The following KIF3B variants were observed in gnomAD, a reference collection of about 807,000 sequenced individuals.
The protein encoded by KIF3B is kinesin family member 3B, also known as kinesin-like protein KIF3B.
In KIF3B, 38 loss-of-function variants were observed where a neutral mutation model predicts 74.3. The observed-to-expected ratio is 0.51, with a 90% confidence interval of 0.39 to 0.67. KIF3B has a LOEUF of 0.67. KIF3B is among the 30% of genes least tolerant of loss of function. The pLI is 0.00. For synonymous variants in KIF3B, 326 were observed against 342.5 expected, an observed-to-expected ratio of 0.95 and a Z score of 0.53; for missense variants, 649 against 932.0, an observed-to-expected ratio of 0.70 and a Z score of 3.95.
chr20:32,279,828 G>A (rs1440638485), intron 1 of KIF3B, among the ~76,000 whole-genome samples: 1 of 152,188 alleles, frequency 6.6e-6, no homozygotes, highest in Admixed American at 6.5e-5. Flanking sequence ...AAAATGAGGG[G>A]ACTAGGCTAG....
At chr20:32,318,822 AT>A (rs958457328) in intron 5 of KIF3B, among the ~76,000 whole-genome samples, 14 of 152,092 alleles carry the variant, frequency 9.2e-5, no homozygotes, top group Non-Finnish European at 1.5e-5. Flanking sequence ...GTGTGTTTTC[AT>A]TTCTCTGGGA....
chr20:32,328,970 C>T (rs568975698), intron 7 of KIF3B, among the ~76,000 whole-genome samples: 4 of 152,252 alleles, frequency 2.6e-5, no homozygotes, highest in Admixed American at 1.3e-4. Context: ...TGCAGTGGCG[C>T]GAGCTCTGCT....
chr20:32,320,851 T>C (rs542855391), intron 5 of KIF3B, among the ~76,000 whole-genome samples: 2 of 152,286 alleles, frequency 1.3e-5, no homozygotes, highest in South Asian at 2.1e-4. Context: ...CATTCATTAT[T>C]TGATGGACAT....
intron 1 of KIF3B, among the ~76,000 whole-genome samples, chr20:32,281,977 G>A (rs2047645204): frequency 6.6e-6 from 1 of 152,142 alleles, no homozygotes; most frequent in Admixed American, 6.6e-5. Context: ...GGTAGGGAGC[G>A]CTCAGATCAT....
rs1555896694 is a variant in KIF3B at position 32,322,742 on chromosome 20, T to TTATA, written c.1749-4026_1749-4025insATAT. On this transcript the variant is annotated intron_variant, in intron 5 of 8. Transcript: ENST00000375712. ...TTTATATTTATTTATTTATATATAT[T>TTATA]TATTTATATATATATTTATATATAT... Among the ~76,000 whole-genome samples the TTATA allele has an allele frequency of 6.4e-5, 3 of 46,702 alleles. 1 individual carries two copies. Among genetic ancestry groups the TTATA allele is most frequent in the African/African-American group, 2.4e-4 (2 of 8,284 alleles). 30.6% of individuals were successfully genotyped at this position (46,702 alleles called of 152,430 possible). A position where few individuals can be genotyped will look rare whatever the true frequency, so the allele number is the denominator to read the frequency against.
chr20:32,308,051 A>G (rs1242642178), intron 1 of KIF3B, among the ~76,000 whole-genome samples: 1 of 151,878 alleles, frequency 6.6e-6, no homozygotes, highest in African/African-American at 2.4e-5. Flanking sequence ...CCTGGCCAAC[A>G]TGGCAAAACC....
chr20:32,328,839 T>C (rs928050726), intron 7 of KIF3B, among the ~76,000 whole-genome samples: 1 of 152,126 alleles, frequency 6.6e-6, no homozygotes, highest in Non-Finnish European at 1.5e-5. Flanking sequence ...TGAGGACTAT[T>C]TAATGACCCC....
At chr20:32,328,815 T>TA (rs1224160390) in intron 7 of KIF3B, among the ~76,000 whole-genome samples, 1 of 152,166 alleles carries the variant, frequency 6.6e-6, no homozygotes, top group Non-Finnish European at 1.5e-5. Context: ...TGTAGTCATT[T>TA]AAAGGGACAT....
At chr20:32,295,659 G>A (rs927415706) in intron 1 of KIF3B, among the ~76,000 whole-genome samples, 5 of 151,752 alleles carry the variant, frequency 3.3e-5, no homozygotes, top group African/African-American at 7.3e-5. Flanking sequence ...CTTATTTGAC[G>A]TCTATGCTCT....
At chr20:32,327,490 A>G in intron 6 of KIF3B, 66 bp from the exon 7 acceptor site, 1 of 1,308,374 alleles carries the variant, frequency 7.6e-7, no homozygotes, top group Non-Finnish European at 1.1e-6. Flanking sequence ...AGGTTCTGTC[A>G]GTGTCTTCCG....
chr20:32,314,023 G>T (rs1356547797), intron 2 of KIF3B, among the ~76,000 whole-genome samples: 1 of 152,066 alleles, frequency 6.6e-6, no homozygotes, highest in Non-Finnish European at 1.5e-5. Flanking sequence ...GCCTGGGTAT[G>T]CCCATATTTG....
intron 1 of KIF3B, among the ~76,000 whole-genome samples, chr20:32,299,400 TA>T (rs1355778523): frequency 0.012 from 849 of 71,134 alleles, 19 homozygotes; most frequent in African/African-American, 0.034. Flanking sequence ...TATATATATA[TA>T]TATTTTTTTT....
chr20:32,322,664 A>G (rs1440408804), intron 5 of KIF3B, among the ~76,000 whole-genome samples: 1 of 58,096 alleles, frequency 1.7e-5, no homozygotes, highest in Non-Finnish European at 2.5e-5. Context: ...ATATATTTAT[A>G]TATATATTTA....
intron 1 of KIF3B, among the ~76,000 whole-genome samples, chr20:32,309,046 T>C (rs1238822263): frequency 6.6e-6 from 1 of 151,978 alleles, no homozygotes; most frequent in Non-Finnish European, 1.5e-5. Flanking sequence ...AGATAGAGTC[T>C]CACTCTGTCA....
At chr20:32,325,703 T>C (rs972600167) in intron 5 of KIF3B, among the ~76,000 whole-genome samples, 2 of 140,678 alleles carry the variant, frequency 1.4e-5, no homozygotes, top group African/African-American at 5.3e-5. Context: ...AGTTTTGCTC[T>C]TTGGCCCAGG....
intron 7 of KIF3B, among the ~76,000 whole-genome samples, chr20:32,329,341 C>T (rs950626617): frequency 7.0e-6 from 1 of 141,908 alleles, no homozygotes; most frequent in Admixed American, 7.0e-5. Flanking sequence ...CCGCACTGGC[C>T]TTTTTTTTCT....
At chr20:32,278,566 C>G (rs544695476) in intron 1 of KIF3B, among the ~76,000 whole-genome samples, 8 of 152,142 alleles carry the variant, frequency 5.3e-5, no homozygotes, top group African/African-American at 1.9e-4. Context: ...CAATGCCAAC[C>G]CCCAACCCCG....
intron 1 of KIF3B, among the ~76,000 whole-genome samples, chr20:32,305,665 C>T (rs1473648400): frequency 6.7e-6 from 1 of 149,180 alleles, no homozygotes; most frequent in Non-Finnish European, 1.5e-5. Context: ...TCACTGCAGC[C>T]TCCGCCTCCC....
At chr20:32,322,854 TTATA>T (rs1205630327) in intron 5 of KIF3B, among the ~76,000 whole-genome samples, 1 of 77,132 alleles carries the variant, frequency 1.3e-5, no homozygotes, top group Admixed American at 2.6e-4. Flanking sequence ...TTATATATAT[TTATA>T]TATACATATT....
Sources: allele counts gnomAD v4.1 joint callset (sites outside exome capture counted in the v4.1 genomes callset), GRCh38; gene constraint gnomAD v4.1.1; transcripts MANE v1.5; gene names NCBI Gene and HGNC (gene_info 2026-07-23, HGNC 2026-07-21).